COL2A1: variants seen among roughly 807,000 people sequenced by gnomAD.
The protein encoded by COL2A1 is collagen alpha-1(II) chain.
Under a neutral mutation model 204.5 loss-of-function variants are expected in COL2A1, and 28 were observed. The ratio of observed to expected loss-of-function variants is 0.14; its 90% CI spans 0.10 to 0.19. The LOEUF is 0.19. Among genes scored for constraint, COL2A1 ranks in the 10% least tolerant of loss-of-function variants. The pLI, the probability that COL2A1 is intolerant of heterozygous loss-of-function variation, is 1.00. For missense variants in COL2A1, 1,388 were observed against 2,027.5 expected, an observed-to-expected ratio of 0.68 and a Z score of 6.06; for synonymous variants, 708 against 718.7, an observed-to-expected ratio of 0.99 and a Z score of 0.24.
chr12:47,980,277 G>A lies in COL2A1; in HGVS notation c.2626-215C>T, dbSNP rs183086931. 6.6e-6 allele frequency among the ~76,000 whole-genome samples: 1 copy of A among 152,296 alleles called. No individual in the cohort carries two copies. Among genetic ancestry groups the A allele is most frequent in the East Asian group, 1.9e-4 (1 of 5,172 alleles). ...AGCCTGTCAGGCAACCACAGAACCG[G>A]TCTGGGGTCTGGCCTCCCGGGAAGC... On this transcript the variant is annotated intron_variant, in intron 39 of 53. Transcript: ENST00000380518. This position sits in a 1 kb window ranked among gnomAD's most constrained non-coding sequence, Gnocchi z 4.5.
intron 37 of COL2A1, 152 bp from the exon 38 acceptor site, chr12:47,981,120 C>T (rs1209318607): frequency 1.1e-6 from 1 of 900,630 alleles, no homozygotes; most frequent in Non-Finnish European, 1.7e-6. Flanking sequence ...GGCAGAGGCT[C>T]TGTTAACCCA....
intron 26 of COL2A1, 47 bp from the exon 27 acceptor site, chr12:47,985,140 T>G (rs1939323387): frequency 1.3e-6 from 2 of 1,486,764 alleles, no homozygotes; most frequent in Non-Finnish European, 9.3e-7. Context: ...TCTGACCACA[T>G]CCATCCACCC....
intron 8 of COL2A1, 143 bp downstream of exon 8, chr12:47,996,405 G>T: frequency 1.3e-6 from 1 of 790,552 alleles, no homozygotes; most frequent in Non-Finnish European, 2.3e-6. Context: ...AATGCTTTGG[G>T]CTAGCTGAAT....
At position 47,976,985 on chromosome 12, in the gene COL2A1, C is replaced by A. The variant is rs1938743334; in HGVS notation, c.3328-66G>T. 1 of 1,537,158 alleles carries A rather than the reference C, an allele frequency of 6.5e-7. No homozygotes were observed. Among genetic ancestry groups the A allele is most frequent in the East Asian group, 2.4e-5 (1 of 42,486 alleles). ...AGGACAGGAGCCCCCTCCTGTCCCA[C>A]CCAAGCTGAGGAATCCCCGGAAACA... is the stretch of plus-strand genomic sequence containing the variant. On this transcript the variant is annotated intron_variant, in intron 47 of 53. Transcript: ENST00000380518. This position sits in a 1 kb window ranked among gnomAD's most constrained non-coding sequence, Gnocchi z 4.3.
chr12:47,988,181 A>T (rs553380837), intron 18 of COL2A1, among the ~76,000 whole-genome samples: 3 of 152,198 alleles, frequency 2.0e-5, no homozygotes, highest in East Asian at 1.9e-4. Context: ...CCTCACTCCC[A>T]TCTGGCTGAC....
In COL2A1 at chr12:47,980,032, C is replaced by T. The variant is rs1396230731; in HGVS notation, c.2656G>A (p.Ala886Thr). Residue 886 changes from alanine (A) to threonine (T), a missense_variant, in exon 40 of 54, where the codon GCC (alanine) becomes ACC (threonine). Coordinates refer to ENST00000380518, the MANE Select transcript of COL2A1 (RefSeq NM_001844.5). The surrounding 1 kb of genome is among the most constrained non-coding windows in gnomAD (Gnocchi z 4.5). ...ACCGGGGGGCCTTGGGCACCTCGGG[C>T]TCCTTTAGGACCAGTCACTCCAGTA... ...GPTGVTGPKGARGAQGPPGAT... is the reference protein window; with the variant it reads ...GPTGVTGPKGTRGAQGPPGAT... 6.4e-7 allele frequency: 1 copy of T among 1,555,470 alleles called. No homozygotes were observed. The highest frequency in any genetic ancestry group is 1.9e-5 in the Admixed American group (1 of 51,788).
At chr12:47,995,652 T>C (rs1384718758) in intron 10 of COL2A1, 58 bp downstream of exon 10, 1 of 1,523,552 alleles carries the variant, frequency 6.6e-7, no homozygotes, top group East Asian at 2.2e-5. Flanking sequence ...GCTGCGGTCC[T>C]AGTGGTCTAT....
intron 16 of COL2A1, among the ~76,000 whole-genome samples, chr12:47,991,367 G>A (rs1018414878): frequency 2.6e-5 from 4 of 152,158 alleles, no homozygotes; most frequent in African/African-American, 9.7e-5. Context: ...CACCAACCCA[G>A]CCCAGTCTCC....
rs1245257033 is a variant in COL2A1, at chr12:47,975,972, G to A, written c.3588C>T (p.Thr1196=). 41 of 1,612,500 alleles carry A rather than the reference G, an allele frequency of 2.5e-5. No homozygotes were observed. Among genetic ancestry groups the A allele is most frequent in the Middle Eastern group, 1.6e-4 (1 of 6,078 alleles). ...PPGPRGRSGE[T]GPAGPPGNPG... is the part of the protein sequence containing the mutation. ...GAGTCAGGACACTTACAGCAGGGCC[G>A]GTTTCGCCTGATCGTCCACGGGGAC... Residue 1196 remains threonine, a synonymous_variant, in exon 50 of 54, where the codon ACC becomes ACT. Coordinates refer to ENST00000380518, the MANE Select transcript of COL2A1 (RefSeq NM_001844.5).
At chr12:47,989,302 A>T in intron 17 of COL2A1, 21 bp from the exon 18 acceptor site, 1 of 1,609,498 alleles carries the variant, frequency 6.2e-7, no homozygotes, top group South Asian at 1.1e-5. Context: ...TAGGCGGATG[A>T]GAAGAGAGGT....
chr12:47,986,813 G>A (rs772767448), intron 22 of COL2A1, 22 bp downstream of exon 22: 2 of 1,614,088 alleles, frequency 1.2e-6, no homozygotes, highest in South Asian at 1.1e-5. Flanking sequence ...GAGAAGACAA[G>A]GGCTTGGGGG....
At position 47,976,055 on chromosome 12, in the gene COL2A1, C is replaced by T. The variant is rs760390497; in HGVS notation, c.3505G>A (p.Val1169Ile). 57 of 1,613,064 alleles carry T rather than the reference C, an allele frequency of 3.5e-5. No individual in the cohort carries two copies. The highest frequency in any genetic ancestry group is 4.2e-5 in the Non-Finnish European group (50 of 1,179,254). ...PSGPRGPPGPVGPSGKDGANG... is the reference protein window; with the variant it reads ...PSGPRGPPGPIGPSGKDGANG... The stretch of plus-strand genomic sequence containing the variant: ...GCACCATCTTTGCCAGAGGGACCGA[C>T]GGGGCCAGGAGGACCCTGCAAGAGA... The change falls in exon 50 of 54, where the codon GTC becomes ATC. Residue 1169 changes from valine (V) to isoleucine (I), a missense_variant. By Grantham distance (29) the Val-to-Ile change is conservative (BLOSUM62 3). Around this residue, in one of 3 missense-constraint regions of COL2A1, gnomAD observed 884 missense variants for 1,415.8 expected, o/e 0.62. Coordinates refer to ENST00000380518, the MANE Select transcript of COL2A1 (RefSeq NM_001844.5). This position sits in a 1 kb window ranked among gnomAD's most constrained non-coding sequence, Gnocchi z 4.3.
Position 47,973,311 on chromosome 12 carries a change from C to T in COL2A1, c.*96G>A. ...GGGATGAATGGACATCAGGTCAGGT[C>T]AGCCATTCAGTGCAGAGTCCTAGAG... On this transcript the variant is annotated 3_prime_UTR_variant, in exon 54 of 54. Coordinates refer to ENST00000380518, the MANE Select transcript of COL2A1 (RefSeq NM_001844.5). 1.3e-6 allele frequency: 2 copies of T among 1,521,364 alleles called. No homozygotes were observed. Among genetic ancestry groups the T allele is most frequent in the Non-Finnish European group, 9.1e-7 (1 of 1,095,422 alleles). The allele number at this position is 1,521,364 out of a possible 1,614,324, so 94.2% of individuals were successfully genotyped here. A position where few individuals can be genotyped will look rare whatever the true frequency, so the allele number is the denominator to read the frequency against.
intron 1 of COL2A1, among the ~76,000 whole-genome samples, chr12:48,001,443 G>A (rs1442186111): frequency 2.0e-5 from 3 of 152,260 alleles, no homozygotes; most frequent in Non-Finnish European, 4.4e-5. Context: ...AAAATAGCTG[G>A]AGCAGTGGAA....
intron 1 of COL2A1, among the ~76,000 whole-genome samples, chr12:48,000,586 C>G (rs1199714705): frequency 6.6e-6 from 1 of 152,184 alleles, no homozygotes; most frequent in African/African-American, 2.4e-5. Context: ...GAGAAGTCTT[C>G]TTTCTTCTGC....
In COL2A1 at chr12:47,976,563, G is replaced by A. The variant is rs1938718774; in HGVS notation, c.3440C>T (p.Pro1147Leu). The change falls in exon 49 of 54, where the codon CCT becomes CTT. Residue 1147 changes from proline (P) to leucine (L), a missense_variant. By Grantham distance (98) the Pro-to-Leu change is moderately conservative. Around this residue, in one of 3 missense-constraint regions of COL2A1, gnomAD observed 884 missense variants for 1,415.8 expected, o/e 0.62. Transcript: ENST00000380518. This position sits in a 1 kb window ranked among gnomAD's most constrained non-coding sequence, Gnocchi z 4.3. Reference sequence around the variant, plus strand: ...ACCAGAAGCACCTTGGTCTCCAGAAGGACCCTGTGTAGAAGGAAGAGGCAA... The same window carrying A: ...ACCAGAAGCACCTTGGTCTCCAGAAAGACCCTGTGTAGAAGGAAGAGGCAA... ...GLQGLPGPPGPSGDQGASGPA... is the reference protein window; with the variant it reads ...GLQGLPGPPGLSGDQGASGPA... 6.2e-7 allele frequency: 1 copy of A among 1,614,218 alleles called. No homozygotes were observed. The highest frequency in any genetic ancestry group is 8.5e-7 in the Non-Finnish European group (1 of 1,180,034).
rs865986968 is a variant in COL2A1, at chr12:47,975,668, C to T, written c.3598-63G>A. On this transcript the variant is annotated intron_variant, in intron 50 of 53. Transcript: ENST00000380518. ...GAAAGTGCCCCTCCATGTCCATCCC[C>T]ATTTGCTAGAATGTACTAGAGTGTC... The T allele has an allele frequency of 4.4e-5, 68 of 1,549,592 alleles. 1 individual carries two copies. In the South Asian group the frequency reaches 5.5e-4, roughly 12 times the overall value.
intron 15 of COL2A1, 65 bp downstream of exon 15, chr12:47,993,393 C>G (rs371879730): frequency 5.5e-6 from 7 of 1,262,998 alleles, no homozygotes; most frequent in South Asian, 4.8e-5. Flanking sequence ...AAAGGGAGCT[C>G]TTTGCAGCCA....
rs1565682271 is a variant in COL2A1, at chr12:47,985,895, C to T, written c.1581+17G>A. 1 of 1,557,198 alleles carries T rather than the reference C, an allele frequency of 6.4e-7. No homozygotes were observed. Among genetic ancestry groups the T allele is most frequent in the Non-Finnish European group, 8.7e-7 (1 of 1,149,774 alleles). ...AGCGATGCAGGGAGGGACCCCAGCC[C>T]CTCTTCTCCCACTCACCTTGGGACC... On this transcript the variant is annotated intron_variant, in intron 24 of 53. Transcript: ENST00000380518.
Sources: allele counts gnomAD v4.1 joint callset (sites outside exome capture counted in the v4.1 genomes callset), GRCh38; gene constraint gnomAD v4.1.1; regional missense constraint gnomAD v4.1.1; non-coding constraint Gnocchi (gnomAD v3.1); transcripts MANE v1.5; gene names NCBI Gene and HGNC (gene_info 2026-07-23, HGNC 2026-07-21).